DNAJC13: variants seen among roughly 807,000 people sequenced by gnomAD.
DNAJC13 encodes the protein dnaJ homolog subfamily C member 13.
In DNAJC13, 75 loss-of-function variants were observed where a neutral mutation model predicts 290.5. The observed-to-expected ratio is 0.26, with a 90% CI of 0.21 to 0.31. The LOEUF is 0.31. DNAJC13 is among the 10% of genes least tolerant of loss of function. The pLI, the probability that DNAJC13 is intolerant of heterozygous loss-of-function variation, is 1.00. For missense variants in DNAJC13, 2,260 were observed against 2,674.5 expected (o/e 0.85, Z 3.42); for synonymous variants, 862 against 892.0 (o/e 0.97, Z 0.60).
chr3:132,433,793 G>A (rs959739773), intron 1 of DNAJC13, among the ~76,000 whole-genome samples: 8 of 152,212 alleles, frequency 5.3e-5, no homozygotes, highest in African/African-American at 1.9e-4. Context: ...GTACACTGGG[G>A]ATGTTGATAG....
At chr3:132,421,167 T>G (rs1364151670) in intron 1 of DNAJC13, among the ~76,000 whole-genome samples, 1 of 152,204 alleles carries the variant, frequency 6.6e-6, no homozygotes, top group East Asian at 1.9e-4. Flanking sequence ...TGTGGTTCAT[T>G]GACCACCTGA....
At position 132,516,689 on chromosome 3, in the gene DNAJC13, C is replaced by T; in HGVS notation, c.5561-15C>T. The T allele has an allele frequency of 6.3e-7, 1 of 1,599,800 alleles. No individual in the cohort carries two copies. The highest frequency in any genetic ancestry group is 1.3e-5 in the African/African-American group (1 of 74,232). On this transcript the variant is annotated splice_polypyrimidine_tract_variant and intron_variant, in intron 47 of 55. Coordinates refer to ENST00000260818, the MANE Select transcript of DNAJC13 (RefSeq NM_015268.4). ...CAAATTCTTTATAAGCACTAATTATCTTTTTCCTTCATAGGTGCTTTGATC... is the reference window on the plus strand; with the variant it reads ...CAAATTCTTTATAAGCACTAATTATTTTTTTCCTTCATAGGTGCTTTGATC...
Position 132,479,236 on chromosome 3 carries a change from A to C in DNAJC13, c.2719A>C (p.Lys907Gln). 6.2e-7 allele frequency: 1 copy of C among 1,606,826 alleles called. No homozygotes were observed. Among genetic ancestry groups the C allele is most frequent in the East Asian group, 2.2e-5 (1 of 44,658 alleles). ...IIGMLERCTDKLERDRLILFL... is the reference protein window; with the variant it reads ...IIGMLERCTDQLERDRLILFL... ...TCATTTATTTCAATAGTGCACAGATAAACTTGAACGAGATAGGTTGATTCT... is the reference window on the plus strand; with the variant it reads ...TCATTTATTTCAATAGTGCACAGATCAACTTGAACGAGATAGGTTGATTCT... The change falls in exon 25 of 56, where the codon AAA (lysine) becomes CAA (glutamine). Residue 907 changes from lysine to glutamine, a missense_variant. Around this residue, in one of 3 missense-constraint regions of DNAJC13, gnomAD observed 1,494 missense variants for 1,693.7 expected, o/e 0.88. Transcript: ENST00000260818.
At chr3:132,432,424 C>CT (rs1290333155) in intron 1 of DNAJC13, among the ~76,000 whole-genome samples, 2 of 152,060 alleles carry the variant, frequency 1.3e-5, no homozygotes, top group Non-Finnish European at 2.9e-5. Flanking sequence ...AGGCTGGTCT[C>CT]TAACTCCTGA....
chr3:132,450,873 A>C (rs769983337), intron 6 of DNAJC13, 26 bp downstream of exon 6: 20 of 1,359,330 alleles, frequency 1.5e-5, no homozygotes, highest in South Asian at 4.2e-5. Context: ...AAAAAAAAAA[A>C]CACTTTAAAA....
rs756637817 is a variant in DNAJC13, at chr3:132,531,052, C to G, written c.6580C>G (p.His2194Asp). The G allele has an allele frequency of 6.2e-7, 1 of 1,614,138 alleles. No individual in the cohort carries two copies. The highest frequency in any genetic ancestry group is 8.5e-7 in the Non-Finnish European group (1 of 1,179,996). The change falls in exon 55 of 56, where the codon CAT becomes GAT. Residue 2194 changes from histidine to aspartate, a missense_variant. Around this residue, in one of 3 missense-constraint regions of DNAJC13, gnomAD observed 1,494 missense variants for 1,693.7 expected, o/e 0.88. Transcript: ENST00000260818. ...SVWSAFKDQKHDLFISESQTA... is the reference protein window; with the variant it reads ...SVWSAFKDQKDDLFISESQTA... Reference sequence around the variant, plus strand: ...CTGGAGTGCCTTCAAAGATCAGAAACATGATTTGTTCATTTCTGAGTCACA... The same window carrying G: ...CTGGAGTGCCTTCAAAGATCAGAAAGATGATTTGTTCATTTCTGAGTCACA...
intron 1 of DNAJC13, among the ~76,000 whole-genome samples, chr3:132,426,561 G>A (rs1939096196): frequency 6.6e-6 from 1 of 152,158 alleles, no homozygotes; most frequent in Admixed American, 6.5e-5. Context: ...TAGTTGGACA[G>A]TTTGTGGTTG....
intron 40 of DNAJC13, 26 bp from the exon 41 acceptor site, chr3:132,503,188 T>G (rs779553366): frequency 6.2e-7 from 1 of 1,610,522 alleles, no homozygotes; most frequent in East Asian, 2.2e-5. Flanking sequence ...AGATCTACTT[T>G]AACAACTTAA....
Position 132,466,338 on chromosome 3 carries a change from G to A in DNAJC13, c.2008G>A (p.Val670Ile), listed in dbSNP as rs200491223. 5.2e-5 allele frequency: 83 copies of A among 1,600,344 alleles called. No individual in the cohort carries two copies. Among genetic ancestry groups the A allele is most frequent in the Non-Finnish European group, 6.0e-5 (71 of 1,176,480 alleles). ...GGCATACTTGGAAAGCTCAGATCTC[G>A]TACCTGAGAAGGATGCTGATCGGAT... ...LLAYLESSDL[V>I]PEKDADRMHV... Residue 670 changes from valine to isoleucine, a missense_variant, in exon 19 of 56, where the codon GTA (valine) becomes ATA (isoleucine). By Grantham distance (29) the Val-to-Ile change is conservative. Around this residue, in one of 3 missense-constraint regions of DNAJC13, gnomAD observed 762 missense variants for 964.1 expected, o/e 0.79. Coordinates refer to ENST00000260818, the MANE Select transcript of DNAJC13 (RefSeq NM_015268.4).
intron 40 of DNAJC13, 116 bp downstream of exon 40, chr3:132,502,584 A>T (rs1170439832): frequency 9.9e-7 from 1 of 1,008,210 alleles, no homozygotes; most frequent in Non-Finnish European, 1.3e-6. Context: ...TTTTCAGGAA[A>T]ATTAGGTTTT....
rs771966828 is a variant in DNAJC13, at chr3:132,516,528, T to C, written c.5560+32T>C. The C allele has an allele frequency of 2.5e-6, 4 of 1,603,532 alleles. No homozygotes were observed. In the South Asian group the frequency reaches 4.4e-5, roughly 18 times the overall value. ...TATAGAGTGCTTTCTTAGCTAGTCA[T>C]GTGCAATATAATGAAGCTTATTTTG... On this transcript the variant is annotated intron_variant, in intron 47 of 55. Coordinates refer to ENST00000260818, the MANE Select transcript of DNAJC13 (RefSeq NM_015268.4).
chr3:132,425,769 TATTC>T (rs10565565), intron 1 of DNAJC13, among the ~76,000 whole-genome samples: 6,707 of 152,256 alleles, frequency 0.044, 220 homozygotes, highest in African/African-American at 0.088. Context: ...TTTCTAAGTG[TATTC>T]ATTCATCCCT....
intron 53 of DNAJC13, among the ~76,000 whole-genome samples, chr3:132,527,797 T>G (rs1936304360): frequency 1.3e-5 from 2 of 152,184 alleles, no homozygotes; most frequent in South Asian, 4.1e-4. Context: ...GAAGAAAATA[T>G]GAAAAAATAC....
intron 20 of DNAJC13, among the ~76,000 whole-genome samples, chr3:132,470,234 T>C (rs1934152867): frequency 1.9e-5 from 1 of 53,038 alleles, no homozygotes; most frequent in Admixed American, 2.1e-4. Flanking sequence ...AAAGCACATC[T>C]TGCACCGCCC....
At chr3:132,437,454 T>C (rs546684960) in intron 2 of DNAJC13, among the ~76,000 whole-genome samples, 1 of 152,388 alleles carries the variant, frequency 6.6e-6, no homozygotes, top group East Asian at 1.9e-4. Flanking sequence ...TGTTTTCTTC[T>C]AAGAGCTGTA....
At chr3:132,517,571 C>T (rs1370974057) in intron 48 of DNAJC13, among the ~76,000 whole-genome samples, 1 of 151,998 alleles carries the variant, frequency 6.6e-6, no homozygotes, top group Non-Finnish European at 1.5e-5. Context: ...GGGTGGGGCC[C>T]AGGAGTCTCC....
chr3:132,456,369 G>A lies in DNAJC13; in HGVS notation c.1067G>A (p.Ser356Asn). The stretch of plus-strand genomic sequence containing the variant: ...ATGCCTGTTGATGAGGAAGTAGAGA[G>A]CCTTCACCTCAGGTTCTTAGCTACG... The part of the protein sequence containing the change: ...LSMPVDEEVE[S>N]LHLRFLATPP... Residue 356 changes from serine (S) to asparagine (N), a missense_variant, in exon 10 of 56, where the codon AGC becomes AAC. Ser to Asn is a conservative substitution (Grantham distance 46, BLOSUM62 1). Coordinates refer to ENST00000260818, the MANE Select transcript of DNAJC13 (RefSeq NM_015268.4). The A allele has an allele frequency of 6.2e-7, 1 of 1,613,720 alleles. No homozygotes were observed. The highest frequency in any genetic ancestry group is 8.5e-7 in the Non-Finnish European group (1 of 1,179,814).
In DNAJC13 at chr3:132,488,449, C is replaced by G; in HGVS notation, c.3419C>G (p.Ala1140Gly). The change falls in exon 30 of 56, where the codon GCT (alanine) becomes GGT (glycine). Residue 1140 changes from alanine to glycine, a missense_variant. By Grantham distance (60) the Ala-to-Gly change is moderately conservative (BLOSUM62 0). Coordinates refer to ENST00000260818, the MANE Select transcript of DNAJC13 (RefSeq NM_015268.4). ...ACAGGTTCCAATGTGCTTCCTGTTGCTCGGTAAGAACTTTAAGGGTAATCT... is the reference window on the plus strand; with the variant it reads ...ACAGGTTCCAATGTGCTTCCTGTTGGTCGGTAAGAACTTTAAGGGTAATCT... ...MYTGSNVLPV[A>G]RFLKYTHTKQ... The G allele has an allele frequency of 1.2e-6, 2 of 1,607,216 alleles. No homozygotes were observed. The highest frequency in any genetic ancestry group is 1.7e-5 in the Admixed American group (1 of 58,888).
chr3:132,479,806 T>C (rs917452393), intron 25 of DNAJC13, among the ~76,000 whole-genome samples: 1 of 152,172 alleles, frequency 6.6e-6, no homozygotes, highest in Non-Finnish European at 1.5e-5. Flanking sequence ...ATTCACAATT[T>C]ATGTTGAAGT....
Sources: gnomAD v4.1 joint callset for allele counts (sites outside exome capture counted in the v4.1 genomes callset) on GRCh38, gnomAD v4.1.1 for gene constraint, gnomAD v4.1.1 regional missense constraint, MANE v1.5 for transcripts, NCBI Gene and HGNC (gene_info 2026-07-23, HGNC 2026-07-21) for gene names.